ITPKB: variants seen among roughly 807,000 people sequenced by gnomAD.
ITPKB encodes IP3 3-kinase B.
A neutral mutation model predicts 69.4 loss-of-function variants in ITPKB; 13 were observed. That is an observed-to-expected ratio of 0.19 (90% confidence interval 0.12 to 0.30). The LOEUF is 0.30. Among genes scored for constraint, ITPKB ranks in the 10% least tolerant of loss-of-function variants. ITPKB has a pLI of 1.00. For missense variants in ITPKB, 1,240 were observed against 1,250.5 expected (o/e 0.99, Z 0.13); for synonymous variants, 584 against 513.7 (o/e 1.14, Z -1.85).
intron 2 of ITPKB, among the ~76,000 whole-genome samples, chr1:226,668,722 T>C (rs913103610): frequency 2.0e-5 from 3 of 152,208 alleles, no homozygotes; most frequent in African/African-American, 4.8e-5. Flanking sequence ...TTTTTCAAAA[T>C]TAACAGGAAT....
chr1:226,724,433 C>A (rs1475194416), intron 2 of ITPKB, among the ~76,000 whole-genome samples: 1 of 152,162 alleles, frequency 6.6e-6, no homozygotes, highest in African/African-American at 2.4e-5. Flanking sequence ...GTCGCAGGTT[C>A]GGCATAAAAT....
intron 2 of ITPKB, among the ~76,000 whole-genome samples, chr1:226,732,747 T>C (rs1657629510): frequency 6.6e-6 from 1 of 152,194 alleles, no homozygotes; most frequent in Admixed American, 6.5e-5. Context: ...GAACAAAAGA[T>C]TGAGCACTAT....
chr1:226,655,287 G>A (rs947874717), intron 2 of ITPKB, among the ~76,000 whole-genome samples: 1 of 152,234 alleles, frequency 6.6e-6, no homozygotes, highest in Non-Finnish European at 1.5e-5. Flanking sequence ...ATGTCATGAT[G>A]GGGAAAGCAG....
chr1:226,695,693 C>G (rs557523853), intron 2 of ITPKB, among the ~76,000 whole-genome samples: 8 of 152,372 alleles, frequency 5.3e-5, no homozygotes, highest in African/African-American at 1.9e-4. Flanking sequence ...TCCATCCTCA[C>G]TCTGTCCTCT....
At chr1:226,714,087 A>G (rs1329535916) in intron 2 of ITPKB, among the ~76,000 whole-genome samples, 1 of 152,204 alleles carries the variant, frequency 6.6e-6, no homozygotes, top group Non-Finnish European at 1.5e-5. Context: ...AGCCTCTGAC[A>G]TCTATGGTAC....
At chr1:226,716,498 G>A (rs1192587794) in intron 2 of ITPKB, among the ~76,000 whole-genome samples, 1 of 152,124 alleles carries the variant, frequency 6.6e-6, no homozygotes, top group Non-Finnish European at 1.5e-5. Context: ...GTGGTTTGCT[G>A]CACCTATAAC....
At chr1:226,676,325 C>A (rs997395343) in intron 2 of ITPKB, 3 of 152,334 alleles carry the variant, frequency 2.0e-5, no homozygotes, top group Admixed American at 6.5e-5. Flanking sequence ...CAGGTCCACA[C>A]ACACTCACAA....
rs752789388 is a variant in ITPKB, at chr1:226,736,524, G to T, written c.935C>A (p.Ser312Tyr). Residue 312 changes from serine to tyrosine, a missense_variant, in exon 2 of 8, where the codon TCC becomes TAC. By Grantham distance (144) the Ser-to-Tyr change is moderately radical (BLOSUM62 -2). Transcript: ENST00000429204. ...ATCCTGTGGACGGTGTGGCCCAGTG[G>T]ATGTAACTCTCGCTGCCACTTCCGT... The part of the protein sequence containing the change: ...MATEVAARVT[S>Y]TGPHRPQDLA... 4 of 1,613,842 alleles carry T rather than the reference G, an allele frequency of 2.5e-6. No individual in the cohort carries two copies. Among genetic ancestry groups the T allele is most frequent in the Non-Finnish European group, 3.4e-6 (4 of 1,180,034 alleles).
At chr1:226,703,444 G>T (rs976309560) in intron 2 of ITPKB, among the ~76,000 whole-genome samples, 1 of 152,218 alleles carries the variant, frequency 6.6e-6, no homozygotes, top group African/African-American at 2.4e-5. Flanking sequence ...GGTGAAGCAG[G>T]GCCTGCTCTA....
chr1:226,641,148 G>A lies in ITPKB; in HGVS notation c.2451+773C>T, dbSNP rs1287469542. Among the ~76,000 whole-genome samples, 2 of 152,226 alleles carry A rather than the reference G, an allele frequency of 1.3e-5. No homozygotes were observed. Among genetic ancestry groups the A allele is most frequent in the Non-Finnish European group, 2.9e-5 (2 of 68,038 alleles). ...GGGTGCACACAGGGGCCCAGGGACA[G>A]GGAGATCATCCAGACAGTCACCAAT... On this transcript the variant is annotated intron_variant, in intron 5 of 7. Coordinates refer to ENST00000429204, the MANE Select transcript of ITPKB (RefSeq NM_002221.4). The surrounding 1 kb of genome is among the most constrained non-coding windows in gnomAD (Gnocchi z 4.6).
Position 226,735,858 on chromosome 1 carries a change from C to T in ITPKB, c.1601G>A (p.Ser534Asn), listed in dbSNP as rs778433758. 1 of 1,606,678 alleles carries T rather than the reference C, an allele frequency of 6.2e-7. No individual in the cohort carries two copies. Among genetic ancestry groups the T allele is most frequent in the South Asian group, 1.1e-5 (1 of 90,864 alleles). ...GAGGGCATCACTGTCCTGCCGCTGGCTTTCCCAAGTCCCCTCTGATTGCAC... is the reference window on the plus strand; with the variant it reads ...GAGGGCATCACTGTCCTGCCGCTGGTTTTCCCAAGTCCCCTCTGATTGCAC... ...TGVQSEGTWE[S>N]QRQDSDALPS... Residue 534 changes from serine to asparagine, a missense_variant, in exon 2 of 8, where the codon AGC (serine) becomes AAC (asparagine). Transcript: ENST00000429204.
intron 2 of ITPKB, among the ~76,000 whole-genome samples, chr1:226,651,967 G>C (rs1384520451): frequency 6.6e-6 from 1 of 152,188 alleles, no homozygotes; most frequent in Non-Finnish European, 1.5e-5. Context: ...CCAGTCCCAA[G>C]GCTGCTCTGC....
rs1296682565 is a variant in ITPKB, at chr1:226,738,638, C to A, written c.-206+403G>T. ...CAGCCGGGCAGCAGCCCTAGGTGCA[C>A]AGAGCCTCTAGCTCTGCAAACCTCC... is the stretch of plus-strand genomic sequence containing the variant. On this transcript the variant is annotated intron_variant, in intron 1 of 7. Transcript: ENST00000429204. The surrounding 1 kb of genome is among the most constrained non-coding windows in gnomAD (Gnocchi z 4.2). 1.3e-5 allele frequency among the ~76,000 whole-genome samples: 2 copies of A among 152,164 alleles called. No homozygotes were observed. The highest frequency in any genetic ancestry group is 3.9e-4 in the East Asian group (2 of 5,168).
chr1:226,634,525 A>C lies in ITPKB; in HGVS notation c.*146T>G. 1 of 600,702 alleles carries C rather than the reference A, an allele frequency of 1.7e-6. No individual in the cohort carries two copies. Among genetic ancestry groups the C allele is most frequent in the South Asian group, 2.0e-5 (1 of 50,356 alleles). The allele number at this position is 600,702 out of a possible 1,614,324, so 37.2% of individuals were successfully genotyped here. On this transcript the variant is annotated 3_prime_UTR_variant, in exon 8 of 8. Transcript: ENST00000429204. The surrounding 1 kb of genome is among the most constrained non-coding windows in gnomAD (Gnocchi z 6.3). ...CCTGAAGTTAGGAAAATGACTAGAA[A>C]CTCTCATCTCCTCTTCTACAAAGTG...
intron 4 of ITPKB, among the ~76,000 whole-genome samples, chr1:226,645,859 TG>T (rs1359369131): frequency 6.6e-6 from 1 of 152,152 alleles, no homozygotes; most frequent in African/African-American, 2.4e-5. Context: ...GAGCAAACAG[TG>T]GGGCCTGTGC....
chr1:226,725,473 TA>T (rs1657384418), intron 2 of ITPKB, among the ~76,000 whole-genome samples: 1 of 152,232 alleles, frequency 6.6e-6, no homozygotes, highest in Non-Finnish European at 1.5e-5. Flanking sequence ...GCTCAAGATG[TA>T]ATTAAAAGCT....
At chr1:226,685,738 G>C (rs1380451216) in intron 2 of ITPKB, among the ~76,000 whole-genome samples, 1 of 152,228 alleles carries the variant, frequency 6.6e-6, no homozygotes, top group African/African-American at 2.4e-5. Context: ...TGTAACAGGT[G>C]TTTAGTTCAT....
At chr1:226,663,531 G>A (rs1571847309) in intron 2 of ITPKB, among the ~76,000 whole-genome samples, 1 of 152,042 alleles carries the variant, frequency 6.6e-6, no homozygotes, top group African/African-American at 2.4e-5. Context: ...TTATGAGACA[G>A]GGTCTTGTTC....
chr1:226,717,338 C>T (rs1338554921), intron 2 of ITPKB, among the ~76,000 whole-genome samples: 2 of 152,162 alleles, frequency 1.3e-5, no homozygotes, highest in Non-Finnish European at 2.9e-5. Flanking sequence ...ATGAGTAGTT[C>T]TAAATTACAT....
Sources: gnomAD v4.1 joint callset for allele counts (sites outside exome capture counted in the v4.1 genomes callset) on GRCh38, gnomAD v4.1.1 for gene constraint, Gnocchi (gnomAD v3.1) non-coding constraint, MANE v1.5 for transcripts, NCBI Gene and HGNC (gene_info 2026-07-23, HGNC 2026-07-21) for gene names.